SLC12A8: variants seen among roughly 807,000 people sequenced by gnomAD.
SLC12A8 encodes solute carrier family 12 member 8.
In SLC12A8, 69 loss-of-function variants were observed where a neutral mutation model predicts 75.6. That is an observed-to-expected ratio of 0.91 (90% CI 0.75 to 1.11). The LOEUF is 1.11. Ranked by LOEUF, SLC12A8 falls within the 50% of genes most tolerant of loss-of-function variation. The pLI is 0.00. For missense variants in SLC12A8, 877 were observed against 896.7 expected (o/e 0.98, Z 0.28); for synonymous variants, 365 against 372.8 (o/e 0.98, Z 0.24).
rs1232734414 is a variant in SLC12A8 at position 125,083,827 on chromosome 3, G to A, written c.*63C>T. 6.6e-7 allele frequency: 1 copy of A among 1,520,964 alleles called. No homozygotes were observed. Among genetic ancestry groups the A allele is most frequent in the Non-Finnish European group, 8.9e-7 (1 of 1,118,170 alleles). 94.2% of individuals were successfully genotyped at this position (1,520,964 alleles called of 1,614,324 possible). A position where few individuals can be genotyped will look rare whatever the true frequency, so the allele number is the denominator to read the frequency against. ...AGGTTGGAGAAGCAGCTCCACGAAG[G>A]TCCTGAGCTTGGGTCCACTGTACAT... On this transcript the variant is annotated 3_prime_UTR_variant, in exon 14 of 14. Coordinates refer to ENST00000469902, the MANE Select transcript of SLC12A8 (RefSeq NM_024628.6).
At chr3:125,187,465 T>C (rs776499486) in intron 3 of SLC12A8, 37 bp from the exon 4 acceptor site, 2 of 1,596,116 alleles carry the variant, frequency 1.3e-6, no homozygotes, top group South Asian at 2.2e-5. Context: ...TTGGATTAGG[T>C]GAGGAGGCCC....
At chr3:125,128,301 C>T (rs1236650267) in intron 6 of SLC12A8, among the ~76,000 whole-genome samples, 1 of 146,472 alleles carries the variant, frequency 6.8e-6, no homozygotes. Flanking sequence ...CTGCCTCAGC[C>T]TCCCAAGTAG....
chr3:125,201,025 G>T (rs1008443044), intron 2 of SLC12A8, among the ~76,000 whole-genome samples: 1 of 152,202 alleles, frequency 6.6e-6, no homozygotes, highest in African/African-American at 2.4e-5. Context: ...TTTTACACAG[G>T]TGAGTGGTTT....
chr3:125,087,093 CTTTTTT>C (rs369422119), intron 13 of SLC12A8, among the ~76,000 whole-genome samples: 31 of 131,260 alleles, frequency 2.4e-4, no homozygotes, highest in African/African-American at 7.9e-4. Context: ...ATGTATTTCA[CTTTTTT>C]TTTTTTTTTT....
chr3:125,195,781 A>T (rs1934999164), intron 2 of SLC12A8, among the ~76,000 whole-genome samples: 1 of 152,154 alleles, frequency 6.6e-6, no homozygotes, highest in Non-Finnish European at 1.5e-5. Context: ...CAGAGCCCAG[A>T]GATGAGCTCT....
intron 5 of SLC12A8, among the ~76,000 whole-genome samples, chr3:125,144,384 G>A (rs1351168288): frequency 1.3e-5 from 2 of 152,176 alleles, no homozygotes; most frequent in African/African-American, 4.8e-5. Context: ...AGGCTGCAGG[G>A]AGTCTTGGAT....
chr3:125,211,741 T>A (rs966294120), intron 1 of SLC12A8, among the ~76,000 whole-genome samples: 2 of 152,120 alleles, frequency 1.3e-5, no homozygotes, highest in Non-Finnish European at 2.9e-5. Context: ...CACCCTCAAG[T>A]GCCTCGTGAA....
At chr3:125,099,387 C>T (rs1938803522) in intron 10 of SLC12A8, among the ~76,000 whole-genome samples, 1 of 152,256 alleles carries the variant, frequency 6.6e-6, no homozygotes, top group Non-Finnish European at 1.5e-5. Context: ...TTTAAATTGT[C>T]TAGTTTTCAA....
chr3:125,128,593 C>T (rs917501856), intron 6 of SLC12A8, among the ~76,000 whole-genome samples: 6 of 152,018 alleles, frequency 3.9e-5, no homozygotes, highest in Middle Eastern at 3.4e-3. Context: ...AATTTTCCTG[C>T]CTCAGCCTCC....
intron 5 of SLC12A8, among the ~76,000 whole-genome samples, chr3:125,136,212 CA>C (rs1469713630): frequency 6.6e-6 from 1 of 152,194 alleles, no homozygotes; most frequent in East Asian, 1.9e-4. Flanking sequence ...AAACTCCTAT[CA>C]AAGCCTCCAC....
intron 3 of SLC12A8, among the ~76,000 whole-genome samples, chr3:125,189,754 T>G (rs1177130433): frequency 6.6e-6 from 1 of 152,192 alleles, no homozygotes; most frequent in Non-Finnish European, 1.5e-5. Context: ...GATGGCACTG[T>G]GTGTGGGACT....
At chr3:125,199,672 G>A (rs1344627864) in intron 2 of SLC12A8, among the ~76,000 whole-genome samples, 1 of 151,758 alleles carries the variant, frequency 6.6e-6, no homozygotes, top group Admixed American at 6.6e-5. Context: ...CTTGAGCCCA[G>A]GAGTTCGAGG....
chr3:125,151,223 G>A (rs925789843), intron 5 of SLC12A8: 5 of 152,304 alleles, frequency 3.3e-5, no homozygotes, highest in African/African-American at 9.7e-5. Context: ...ATTGGAGAAG[G>A]TGGGCCACGC....
intron 5 of SLC12A8, among the ~76,000 whole-genome samples, chr3:125,176,572 T>G (rs1934532848): frequency 6.6e-6 from 1 of 152,010 alleles, no homozygotes; most frequent in Non-Finnish European, 1.5e-5. Context: ...TGCAACCTAC[T>G]CATCTGACAA....
intron 7 of SLC12A8, among the ~76,000 whole-genome samples, chr3:125,119,356 A>G (rs1440393163): frequency 6.6e-6 from 1 of 152,228 alleles, no homozygotes; most frequent in Non-Finnish European, 1.5e-5. Flanking sequence ...GAACAAGCTG[A>G]TGATCCTTCG....
At chr3:125,192,255 G>A (rs994288842) in intron 2 of SLC12A8, among the ~76,000 whole-genome samples, 9 of 152,130 alleles carry the variant, frequency 5.9e-5, no homozygotes, top group South Asian at 2.1e-4. Flanking sequence ...GCAGCCCCGT[G>A]AGGCAGGCCG....
At chr3:125,168,715 G>C (rs969971998) in intron 5 of SLC12A8, among the ~76,000 whole-genome samples, 8 of 152,180 alleles carry the variant, frequency 5.3e-5, no homozygotes, top group Admixed American at 2.0e-4. Flanking sequence ...CAAGGTCCTG[G>C]GGTTGAAGAT....
intron 5 of SLC12A8, among the ~76,000 whole-genome samples, chr3:125,167,800 T>C (rs1934321484): frequency 1.3e-5 from 2 of 152,218 alleles, no homozygotes; most frequent in South Asian, 4.1e-4. Flanking sequence ...GAAGGAGAGC[T>C]GTATTCATAT....
At chr3:125,194,656 C>T (rs999230128) in intron 2 of SLC12A8, among the ~76,000 whole-genome samples, 2 of 152,186 alleles carry the variant, frequency 1.3e-5, no homozygotes, top group Non-Finnish European at 2.9e-5. Flanking sequence ...ACCTTTTCTC[C>T]TTTCTGGGAG....
Sources: gnomAD v4.1 joint callset for allele counts (sites outside exome capture counted in the v4.1 genomes callset) on GRCh38, gnomAD v4.1.1 for gene constraint, MANE v1.5 for transcripts, NCBI Gene and HGNC (gene_info 2026-07-23, HGNC 2026-07-21) for gene names.